MDM4: variants seen among roughly 807,000 people sequenced by gnomAD.
MDM4 encodes the protein protein Mdm4.
A neutral mutation model predicts 60.2 loss-of-function variants in MDM4; 2 were observed. The observed-to-expected ratio is 0.03, with a 90% CI of 0.01 to 0.10. The LOEUF (loss-of-function observed/expected upper bound fraction) is 0.10. Among genes scored for constraint, MDM4 ranks in the 10% least tolerant of loss-of-function variants. The probability of loss-of-function intolerance (pLI) is 1.00; values close to 1 mark genes in which losing one functional copy is unlikely to be tolerated. For synonymous variants in MDM4, 202 were observed against 198.1 expected (o/e 1.02, Z -0.17); for missense variants, 447 against 577.5 (o/e 0.77, Z 2.32).
chr1:204,546,408 G>T (rs1342256675), intron 9 of MDM4, among the ~76,000 whole-genome samples: 1 of 152,026 alleles, frequency 6.6e-6, no homozygotes, highest in Non-Finnish European at 1.5e-5. Flanking sequence ...TTGCTCTGTT[G>T]CCTAGGCCAG....
At chr1:204,523,473 A>ATTTTTTTTT (rs60954516) in intron 1 of MDM4, among the ~76,000 whole-genome samples, 5 of 58,950 alleles carry the variant, frequency 8.5e-5, no homozygotes, top group African/African-American at 1.5e-4. Context: ...CCTAAAAAAA[A>ATTTTTTTTT]TTTTTTTTTT....
At chr1:204,541,822 A>G (rs1161650478) in intron 7 of MDM4, among the ~76,000 whole-genome samples, 2 of 152,236 alleles carry the variant, frequency 1.3e-5, no homozygotes, top group African/African-American at 4.8e-5. Flanking sequence ...TAAATAGGGT[A>G]ACCTTATGTT....
intron 2 of MDM4, among the ~76,000 whole-genome samples, chr1:204,525,950 A>G (rs1660089480): frequency 6.6e-6 from 1 of 151,954 alleles, no homozygotes; most frequent in African/African-American, 2.4e-5. Context: ...CTTTTTTAAA[A>G]AAAGTAGGGG....
At chr1:204,546,640 CAT>C (rs1328938997) in intron 9 of MDM4, among the ~76,000 whole-genome samples, 155 bp from the exon 10 acceptor site, 3 of 152,188 alleles carry the variant, frequency 2.0e-5, no homozygotes, top group South Asian at 2.1e-4. Context: ...AGTACAGAAT[CAT>C]GTGTTTGGTC....
At position 204,555,698 on chromosome 1, in the gene MDM4, C is replaced by G. The variant is rs1426782385; in HGVS notation, c.*6016C>G. On this transcript the variant is annotated 3_prime_UTR_variant, in exon 11 of 11. Transcript: ENST00000367182. Reference sequence around the variant, plus strand: ...TGACCAGTATGGTGAAACCCTGTCTCTACTAAAAATACAAAAATTAGCCGG... The same window carrying G: ...TGACCAGTATGGTGAAACCCTGTCTGTACTAAAAATACAAAAATTAGCCGG... 6.0e-6 allele frequency: 1 copy of G among 167,880 alleles called. No homozygotes were observed. Among genetic ancestry groups the G allele is most frequent in the Non-Finnish European group, 1.3e-5 (1 of 77,128 alleles). The allele number at this position is 167,880 out of a possible 1,614,324, so 10.4% of individuals were successfully genotyped here. A position where few individuals can be genotyped will look rare whatever the true frequency, so the allele number is the denominator to read the frequency against.
At position 204,546,723 on chromosome 1, in the gene MDM4, CTT is replaced by C. The variant is rs1032273951; in HGVS notation, c.823-69_823-68del. Reference sequence around the variant, plus strand: ...GTGAGTTTTAAATTGAAGCAGTTGTCTTTTTTGCTTTCAGTTAATTAGCCTCA... The same window carrying C: ...GTGAGTTTTAAATTGAAGCAGTTGTCTTTTGCTTTCAGTTAATTAGCCTCA... On this transcript the variant is annotated intron_variant, in intron 9 of 10. Coordinates refer to ENST00000367182, the MANE Select transcript of MDM4 (RefSeq NM_002393.5). The C allele has an allele frequency of 3.2e-6, 3 of 951,716 alleles. No homozygotes were observed. The Admixed American group carries it at 6.0e-5, about 19-fold the overall frequency. 59.0% of individuals were successfully genotyped at this position (951,716 alleles called of 1,614,324 possible).
In MDM4 at chr1:204,547,022, A is replaced by C. The variant is rs560161907; in HGVS notation, c.903+145A>C. 3.7e-4 allele frequency: 181 copies of C among 490,502 alleles called. 1 individual carries two copies. The highest frequency in any genetic ancestry group is 5.8e-4 in the Non-Finnish European group (161 of 275,938). The allele number at this position is 490,502 out of a possible 1,614,324, so 30.4% of individuals were successfully genotyped here. ...TGCTAAGTGATGTTGGTTTCTTTAC[A>C]TTTTTTTAAGAGATTTTTATTGGAA... is the stretch of plus-strand genomic sequence containing the variant. On this transcript the variant is annotated intron_variant, in intron 10 of 10. Coordinates refer to ENST00000367182, the MANE Select transcript of MDM4 (RefSeq NM_002393.5).
Position 204,555,219 on chromosome 1 carries a change from A to G in MDM4, c.*5537A>G, listed in dbSNP as rs1429255876. ...GCCCCGGCTGGAGTGCAGTGGCGCG[A>G]TCTCGGCTCACTGCAACCTCCGCCT... On this transcript the variant is annotated 3_prime_UTR_variant, in exon 11 of 11. Transcript: ENST00000367182. 5.8e-6 allele frequency: 1 copy of G among 173,308 alleles called. No homozygotes were observed. The highest frequency in any genetic ancestry group is 9.9e-5 in the East Asian group (1 of 10,078). The allele number at this position is 173,308 out of a possible 1,614,324, so 10.7% of individuals were successfully genotyped here.
At chr1:204,542,142 C>G (rs374376929) in intron 7 of MDM4, among the ~76,000 whole-genome samples, 4 of 152,134 alleles carry the variant, frequency 2.6e-5, no homozygotes, top group Non-Finnish European at 4.4e-5. Context: ...CTCTAAGAGC[C>G]CATTGATCCA....
intron 3 of MDM4, among the ~76,000 whole-genome samples, chr1:204,527,148 A>G (rs1054883846): frequency 1.3e-5 from 2 of 148,818 alleles, no homozygotes; most frequent in African/African-American, 2.5e-5. Flanking sequence ...AAAAAAAAAT[A>G]CAAAAATTGG....
intron 7 of MDM4, among the ~76,000 whole-genome samples, chr1:204,540,127 T>A (rs969487187): frequency 6.6e-6 from 1 of 150,896 alleles, no homozygotes; most frequent in African/African-American, 2.4e-5. Context: ...TTAAAAAAAA[T>A]ACAAAAAATT....
chr1:204,532,252 T>G lies in MDM4; in HGVS notation c.343+6T>G, dbSNP rs1660929550. On this transcript the variant is annotated splice_donor_region_variant and intron_variant, in intron 5 of 10. Coordinates refer to ENST00000367182, the MANE Select transcript of MDM4 (RefSeq NM_002393.5). The stretch of plus-strand genomic sequence containing the variant: ...TTTAGCCACTGCTACTACAGGTATG[T>G]CACATCATATTTCTTCAGTCTGTAT... The G allele has an allele frequency of 1.3e-6, 2 of 1,567,884 alleles. No homozygotes were observed. The highest frequency in any genetic ancestry group is 1.7e-5 in the Admixed American group (1 of 59,664).
rs1241576356 is a variant in MDM4 at position 204,555,032 on chromosome 1, A to G, written c.*5350A>G. Reference sequence around the variant, plus strand: ...AAGAGGCATGTCTGCAGAAAGAGATAGCTAATATTTTTTGGTACTTTATCT... The same window carrying G: ...AAGAGGCATGTCTGCAGAAAGAGATGGCTAATATTTTTTGGTACTTTATCT... On this transcript the variant is annotated 3_prime_UTR_variant, in exon 11 of 11. Transcript: ENST00000367182. 2 of 219,036 alleles carry G rather than the reference A, an allele frequency of 9.1e-6. No individual in the cohort carries two copies. The highest frequency in any genetic ancestry group is 1.8e-5 in the Non-Finnish European group (2 of 109,278). The allele number at this position is 219,036 out of a possible 1,614,324, so 13.6% of individuals were successfully genotyped here.
At chr1:204,541,755 A>G (rs1162681284) in intron 7 of MDM4, among the ~76,000 whole-genome samples, 1 of 152,226 alleles carries the variant, frequency 6.6e-6, no homozygotes, top group Non-Finnish European at 1.5e-5. Flanking sequence ...AACATAATTG[A>G]AGTTTCCCTG....
chr1:204,543,356 C>T (rs961389112), intron 8 of MDM4, among the ~76,000 whole-genome samples: 4 of 152,162 alleles, frequency 2.6e-5, no homozygotes, highest in African/African-American at 9.7e-5. Context: ...TAAAAATTAG[C>T]CAGGCGTGGT....
intron 10 of MDM4, among the ~76,000 whole-genome samples, chr1:204,548,667 T>G (rs1372519268): frequency 6.6e-6 from 1 of 152,228 alleles, no homozygotes; most frequent in Non-Finnish European, 1.5e-5. Context: ...TTTTCAAATC[T>G]CATTTGTTTT....
chr1:204,527,431 A>C (rs990862273), intron 3 of MDM4, among the ~76,000 whole-genome samples: 1 of 152,176 alleles, frequency 6.6e-6, no homozygotes, highest in African/African-American at 2.4e-5. Flanking sequence ...AGGTGGGCAG[A>C]TCACCTGAGG....
intron 9 of MDM4, among the ~76,000 whole-genome samples, chr1:204,545,314 A>G (rs1265219000): frequency 2.0e-5 from 3 of 152,216 alleles, no homozygotes; most frequent in East Asian, 1.9e-4. Context: ...AATAGTAGAA[A>G]AGAGGGGAGA....
intron 3 of MDM4, chr1:204,529,121 ACTGCTGGAAGAG>A: frequency 1.7e-6 from 2 of 1,208,804 alleles, no homozygotes; most frequent in Non-Finnish European, 2.4e-6. Context: ...CCCAGTCATA[ACTGCTGGAAGAG>A]CTGCTTCCAC....
Sources: gnomAD v4.1 joint callset for allele counts (sites outside exome capture counted in the v4.1 genomes callset) on GRCh38, gnomAD v4.1.1 for gene constraint, MANE v1.5 for transcripts, NCBI Gene and HGNC (gene_info 2026-07-23, HGNC 2026-07-21) for gene names.